The following SGPL1 variants were observed in gnomAD, a reference collection of about 807,000 sequenced individuals.
SGPL1 encodes the protein SP-lyase 1.
In SGPL1, 37 loss-of-function variants were observed where a neutral mutation model predicts 68.9. The observed-to-expected ratio is 0.54, with a 90% CI of 0.41 to 0.71. SGPL1 has a LOEUF of 0.71. Among genes scored for constraint, SGPL1 ranks in the 30% least tolerant of loss-of-function variants. The pLI, the probability that SGPL1 is intolerant of heterozygous loss-of-function variation, is 0.00. For missense variants in SGPL1, 551 were observed against 704.6 expected (o/e 0.78, Z 2.47); for synonymous variants, 236 against 248.5 (o/e 0.95, Z 0.47).
At position 70,871,125 on chromosome 10, in the gene SGPL1, T is replaced by A. The variant is rs769780099; in HGVS notation, c.888T>A (p.Asp296Glu). ...STPQFPHGVIDPVPEVAKLAV... is the reference protein window; with the variant it reads ...STPQFPHGVIEPVPEVAKLAV... ...CACAGTTTCCTCATGGTGTAATAGATCCTGTCCCTGAAGTGGCCAAGGTAT... is the reference window on the plus strand; with the variant it reads ...CACAGTTTCCTCATGGTGTAATAGAACCTGTCCCTGAAGTGGCCAAGGTAT... Residue 296 changes from aspartate to glutamate, a missense_variant, in exon 10 of 15, where the codon GAT becomes GAA. Asp to Glu is a conservative substitution (Grantham distance 45, BLOSUM62 2). Transcript: ENST00000373202. The A allele has an allele frequency of 8.7e-6, 14 of 1,613,246 alleles. No homozygotes were observed. The Middle Eastern group carries it at 5.0e-4, about 57-fold the overall frequency.
At chr10:70,836,947 C>T (rs1845636129) in intron 2 of SGPL1, among the ~76,000 whole-genome samples, 1 of 151,866 alleles carries the variant, frequency 6.6e-6, no homozygotes, top group African/African-American at 2.4e-5. Context: ...AATAAAATAA[C>T]ATGAAAGCCA....
intron 2 of SGPL1, among the ~76,000 whole-genome samples, chr10:70,837,411 C>T (rs548967521): frequency 6.6e-6 from 1 of 152,198 alleles, no homozygotes; most frequent in Non-Finnish European, 1.5e-5. Flanking sequence ...AAGTGCTTCA[C>T]TCTTTCCTGT....
intron 5 of SGPL1, among the ~76,000 whole-genome samples, chr10:70,855,103 A>G (rs1390742433): frequency 6.6e-6 from 1 of 152,254 alleles, no homozygotes; most frequent in East Asian, 1.9e-4. Flanking sequence ...AGCATGAATA[A>G]AACAAATATA....
intron 7 of SGPL1, among the ~76,000 whole-genome samples, chr10:70,862,229 C>T (rs1846078588): frequency 6.6e-6 from 1 of 152,228 alleles, no homozygotes; most frequent in African/African-American, 2.4e-5. Flanking sequence ...CACCAATCAG[C>T]ACCCTGTGTC....
chr10:70,827,443 C>T (rs1040035428), intron 2 of SGPL1, among the ~76,000 whole-genome samples: 6 of 152,180 alleles, frequency 3.9e-5, no homozygotes, highest in Non-Finnish European at 7.3e-5. Context: ...AAAATTGTTA[C>T]ATCTTGTAAG....
intron 7 of SGPL1, 104 bp downstream of exon 7, chr10:70,859,603 A>C (rs1846018810): frequency 4.0e-6 from 2 of 496,884 alleles, no homozygotes; most frequent in Middle Eastern, 9.3e-4. Flanking sequence ...AATATTAAAA[A>C]TATTTTACTA....
chr10:70,870,932 AG>A (rs1341248099), intron 9 of SGPL1, 115 bp from the exon 10 acceptor site: 3 of 752,420 alleles, frequency 4.0e-6, no homozygotes, highest in Admixed American at 4.1e-5. Context: ...GTGGTGAAGG[AG>A]GGGGTACTGG....
intron 3 of SGPL1, among the ~76,000 whole-genome samples, chr10:70,848,759 G>A (rs1845831899): frequency 6.6e-6 from 1 of 152,070 alleles, no homozygotes; most frequent in South Asian, 2.1e-4. Context: ...ACCACACCTG[G>A]CCTCATGTAC....
chr10:70,877,255 T>G lies in SGPL1; in HGVS notation c.1627T>G (p.Ser543Ala). 6.2e-7 allele frequency: 1 copy of G among 1,613,946 alleles called. No individual in the cohort carries two copies. The highest frequency in any genetic ancestry group is 8.5e-7 in the Non-Finnish European group (1 of 1,179,764). ...CAGGAATATGGTTGCAGAATTGTCCTCAGTCTTCTTGGACAGCTTGTACAG... is the reference window on the plus strand; with the variant it reads ...CAGGAATATGGTTGCAGAATTGTCCGCAGTCTTCTTGGACAGCTTGTACAG... Reference protein sequence around the residue: ...VDRNMVAELSSVFLDSLYSTD... With the variant: ...VDRNMVAELSAVFLDSLYSTD... Residue 543 changes from serine (S) to alanine (A), a missense_variant, in exon 15 of 15, where the codon TCA (serine) becomes GCA (alanine). Transcript: ENST00000373202.
chr10:70,843,013 G>T (rs1006224782), intron 2 of SGPL1, among the ~76,000 whole-genome samples: 2 of 152,228 alleles, frequency 1.3e-5, no homozygotes, highest in East Asian at 3.8e-4. Flanking sequence ...TTTGCCATAT[G>T]CAGACTCTTT....
chr10:70,857,340 G>A, intron 5 of SGPL1: 2 of 364,890 alleles, frequency 5.5e-6, no homozygotes, highest in Non-Finnish European at 1.0e-5. Flanking sequence ...GGCAGTTGAG[G>A]ATGAGGACAA....
chr10:70,839,761 A>G (rs1845687531), intron 2 of SGPL1, among the ~76,000 whole-genome samples: 1 of 152,140 alleles, frequency 6.6e-6, no homozygotes, highest in Non-Finnish European at 1.5e-5. Context: ...TGGGAATAGT[A>G]ATTATAATCA....
At chr10:70,825,542 T>C (rs371142550) in intron 2 of SGPL1, among the ~76,000 whole-genome samples, 142 of 152,300 alleles carry the variant, frequency 9.3e-4, no homozygotes, top group African/African-American at 3.1e-3. Context: ...ATGTTCCCAC[T>C]GATTTTAACA....
At chr10:70,857,396 C>A in intron 5 of SGPL1, 1 of 466,138 alleles carries the variant, frequency 2.1e-6, no homozygotes, top group Non-Finnish European at 3.9e-6. Context: ...CTATTAATAT[C>A]TTTTTCACAT....
intron 2 of SGPL1, among the ~76,000 whole-genome samples, chr10:70,825,161 G>A (rs1178262532): frequency 1.3e-5 from 2 of 152,076 alleles, no homozygotes; most frequent in East Asian, 3.9e-4. Flanking sequence ...CTTTGAGAGA[G>A]TTGAGATGAA....
At chr10:70,872,313 T>G (rs573917141) in intron 11 of SGPL1, among the ~76,000 whole-genome samples, 24 of 152,284 alleles carry the variant, frequency 1.6e-4, no homozygotes, top group African/African-American at 5.5e-4. Flanking sequence ...TGAGCTGATT[T>G]GAGGTGGAGG....
In SGPL1 at chr10:70,877,250, TGTCCTCA is replaced by T. The variant is rs746533446; in HGVS notation, c.1626_1632del (p.Val544TrpfsTer16). On this transcript the variant is annotated frameshift_variant, in exon 15 of 15. Coordinates refer to ENST00000373202, the MANE Select transcript of SGPL1 (RefSeq NM_003901.4). LOFTEE classifies it high-confidence loss of function. ...GTTGACAGGAATATGGTTGCAGAAT[TGTCCTCA>T]GTCTTCTTGGACAGCTTGTACAGCA... is the stretch of plus-strand genomic sequence containing the variant. 1 of 1,614,194 alleles carries T rather than the reference TGTCCTCA, an allele frequency of 6.2e-7. No individual in the cohort carries two copies. Among genetic ancestry groups the T allele is most frequent in the South Asian group, 1.1e-5 (1 of 91,074 alleles).
chr10:70,871,766 C>A (rs1287785447), intron 10 of SGPL1, 71 bp from the exon 11 acceptor site: 7 of 1,449,278 alleles, frequency 4.8e-6, no homozygotes, highest in Non-Finnish European at 6.6e-6. Context: ...CATCTTTCCA[C>A]CCATGTCTTG....
chr10:70,872,083 A>G lies in SGPL1; in HGVS notation c.1059+97A>G, dbSNP rs2131944217. On this transcript the variant is annotated intron_variant, in intron 11 of 14. Transcript: ENST00000373202. ...TTCCCCGCAAAGTATAAAATTAACT[A>G]TAGAATTCTCATCAGATGCTTGTTT... 9.7e-6 allele frequency: 12 copies of G among 1,233,812 alleles called. No homozygotes were observed. The South Asian group carries it at 1.6e-4, about 16-fold the overall frequency. The allele number at this position is 1,233,812 out of a possible 1,614,324, so 76.4% of individuals were successfully genotyped here.
Sources: gnomAD v4.1 joint callset for allele counts (sites outside exome capture counted in the v4.1 genomes callset) on GRCh38, gnomAD v4.1.1 for gene constraint, MANE v1.5 for transcripts, NCBI Gene and HGNC (gene_info 2026-07-23, HGNC 2026-07-21) for gene names.